TUBGCP5: variants seen among roughly 807,000 people sequenced by gnomAD.
The protein encoded by TUBGCP5 is tubulin gamma complex component 5.
In TUBGCP5, 98 loss-of-function variants were observed where a neutral mutation model predicts 134.7. That is an observed-to-expected ratio of 0.73 (90% CI 0.62 to 0.86). The LOEUF is 0.86. Among genes scored for constraint, TUBGCP5 ranks in the 40% least tolerant of loss-of-function variants. TUBGCP5 has a pLI of 0.00. For missense variants in TUBGCP5, 1,150 were observed against 1,244.8 expected (o/e 0.92, Z 1.15); for synonymous variants, 456 against 431.4 (o/e 1.06, Z -0.71).
chr15:22,987,204 C>T (rs1312931899), intron 23 of TUBGCP5, among the ~76,000 whole-genome samples: 1 of 151,878 alleles, frequency 6.6e-6, no homozygotes, highest in African/African-American at 2.4e-5. Flanking sequence ...CGTGGTGGAA[C>T]ATGCCTGCAA....
chr15:23,016,986 A>ATATATATG (rs373904143), intron 13 of TUBGCP5, among the ~76,000 whole-genome samples: 37 of 138,336 alleles, frequency 2.7e-4, no homozygotes, highest in African/African-American at 7.3e-4. Flanking sequence ...ATATATATAT[A>ATATATATG]TGTATATATC....
At chr15:23,032,439 GTAAA>G (rs572933288) in intron 4 of TUBGCP5, among the ~76,000 whole-genome samples, 130 of 152,234 alleles carry the variant, frequency 8.5e-4, no homozygotes, top group African/African-American at 2.7e-3. Flanking sequence ...TAAATGCTAT[GTAAA>G]TAGTTTTTTA....
chr15:22,988,744 A>AT (rs1167825486), intron 23 of TUBGCP5, among the ~76,000 whole-genome samples: 1 of 150,870 alleles, frequency 6.6e-6, no homozygotes, highest in Non-Finnish European at 1.5e-5. Context: ...TCAAAAAAAA[A>AT]AAAAATCTGT....
chr15:22,991,839 G>C (rs779641515), intron 23 of TUBGCP5, among the ~76,000 whole-genome samples: 95 of 152,194 alleles, frequency 6.2e-4, no homozygotes, highest in Admixed American at 1.5e-3. Context: ...TCTTTCTGTG[G>C]AAGACTTCAT....
chr15:23,000,272 A>T (rs2140395558), intron 22 of TUBGCP5: 1 of 1,251,714 alleles, frequency 8.0e-7, no homozygotes, highest in Admixed American at 3.8e-5. Context: ...AGTTACAAAA[A>T]CTACACGATA....
intron 21 of TUBGCP5, 89 bp downstream of exon 21, chr15:23,002,976 G>C: frequency 7.5e-7 from 1 of 1,326,148 alleles, no homozygotes; most frequent in Non-Finnish European, 1.1e-6. Context: ...TCAGCCTCCT[G>C]AATGGCTGGG....
intron 23 of TUBGCP5, among the ~76,000 whole-genome samples, chr15:22,984,075 G>A (rs75561630): frequency 0.028 from 4,246 of 151,862 alleles, 232 homozygotes; most frequent in African/African-American, 0.097. Flanking sequence ...AGCTGACATC[G>A]TGCCACTGCA....
At chr15:23,018,849 C>T (rs1429844101) in intron 12 of TUBGCP5, among the ~76,000 whole-genome samples, 1 of 152,096 alleles carries the variant, frequency 6.6e-6, no homozygotes, top group Non-Finnish European at 1.5e-5. Flanking sequence ...GAGGCATACT[C>T]TGTAATATTT....
At chr15:22,983,843 C>T (rs1408863686) in intron 23 of TUBGCP5, among the ~76,000 whole-genome samples, 1 of 152,078 alleles carries the variant, frequency 6.6e-6, no homozygotes, top group Non-Finnish European at 1.5e-5. Flanking sequence ...AACCATTAGG[C>T]CAGGTGCGGT....
Position 23,039,507 on chromosome 15 carries a change from C to T in TUBGCP5, c.37G>A (p.Ala13Thr), listed in dbSNP as rs755093930. The T allele has an allele frequency of 2.0e-6, 3 of 1,506,178 alleles. No homozygotes were observed. Among genetic ancestry groups the T allele is most frequent in the Non-Finnish European group, 2.7e-6 (3 of 1,119,782 alleles). 93.3% of individuals were successfully genotyped at this position (1,506,178 alleles called of 1,614,324 possible). Residue 13 changes from alanine (A) to threonine (T), a missense_variant, in exon 1 of 23, where the codon GCG becomes ACG. Physicochemically the swap from Ala to Thr is moderately conservative, Grantham distance 58. Transcript: ENST00000615383. The stretch of plus-strand genomic sequence containing the variant: ...TCCCGCACGTCGCGCTCCTGCTGCG[C>T]GTCCAACCGACTCCACGGTGGCCCG... ...RHGPPWSRLD[A>T]QQERDVRELV...
chr15:23,024,762 T>C lies in TUBGCP5; in HGVS notation c.896A>G (p.Asn299Ser), dbSNP rs765751651. 6.3e-7 allele frequency: 1 copy of C among 1,580,562 alleles called. No individual in the cohort carries two copies. The highest frequency in any genetic ancestry group is 1.1e-5 in the South Asian group (1 of 87,818). ...LIDGKVTVRN[N>S]IIVTHLTHSC... is the part of the protein sequence containing the mutation. ...ATGTGTTAAATGAGTTACTATAATA[T>C]TGTTTCTCACAGTTACCTTCCCATC... is the stretch of plus-strand genomic sequence containing the variant. Residue 299 changes from asparagine (N) to serine (S), a missense_variant, in exon 9 of 23, where the codon AAT becomes AGT. By Grantham distance (46) the Asn-to-Ser change is conservative (BLOSUM62 1). Around this residue, in one of 2 missense-constraint regions of TUBGCP5, gnomAD observed 453 missense variants for 394.7 expected, o/e 1.15. Transcript: ENST00000615383.
intron 23 of TUBGCP5, among the ~76,000 whole-genome samples, chr15:22,993,746 T>C (rs2063942719): frequency 6.6e-6 from 1 of 151,646 alleles, no homozygotes; most frequent in Non-Finnish European, 1.5e-5. Context: ...GGTTTCACCA[T>C]GTTGGCCAGG....
At chr15:23,002,061 T>C (rs1287043890) in intron 21 of TUBGCP5, among the ~76,000 whole-genome samples, 1 of 113,768 alleles carries the variant, frequency 8.8e-6, no homozygotes, top group Non-Finnish European at 1.8e-5. Context: ...CACATTTATT[T>C]GTAAAAAAAA....
In TUBGCP5 at chr15:23,013,693, G is replaced by C. The variant is rs184321118; in HGVS notation, c.1757-2362C>G. Among the ~76,000 whole-genome samples, 2 of 152,146 alleles carry C rather than the reference G, an allele frequency of 1.3e-5. No individual in the cohort carries two copies. The highest frequency in any genetic ancestry group is 2.9e-5 in the Non-Finnish European group (2 of 68,034). Reference sequence around the variant, plus strand: ...TACAGGAGGATTCCACAGTTCCCACGAGCTCTGAGCCCAGTTTGGAGAGCT... The same window carrying C: ...TACAGGAGGATTCCACAGTTCCCACCAGCTCTGAGCCCAGTTTGGAGAGCT... On this transcript the variant is annotated intron_variant, in intron 13 of 22. Transcript: ENST00000615383. The surrounding 1 kb of genome is among the most constrained non-coding windows in gnomAD (Gnocchi z 4.5).
intron 21 of TUBGCP5, among the ~76,000 whole-genome samples, chr15:23,001,934 C>T (rs2064410591): frequency 6.6e-6 from 1 of 152,172 alleles, no homozygotes. Context: ...GCAAATTTCA[C>T]ATTGCTTCTA....
At chr15:23,027,773 C>A (rs972418853) in intron 6 of TUBGCP5, among the ~76,000 whole-genome samples, 2 of 151,166 alleles carry the variant, frequency 1.3e-5, no homozygotes, top group Non-Finnish European at 3.0e-5. Flanking sequence ...TAAAATAAAA[C>A]CACACATATA....
chr15:23,010,148 T>C lies in TUBGCP5; in HGVS notation c.1956-15A>G. On this transcript the variant is annotated splice_polypyrimidine_tract_variant and intron_variant, in intron 14 of 22. Coordinates refer to ENST00000615383, the MANE Select transcript of TUBGCP5 (RefSeq NM_052903.6). ...CCAAATACATCCTTCAAGATAAAAA[T>C]GTGAGTCTTCTTTTTATGAGCTGCT... is the stretch of plus-strand genomic sequence containing the variant. 1 of 1,604,718 alleles carries C rather than the reference T, an allele frequency of 6.2e-7. No homozygotes were observed. Among genetic ancestry groups the C allele is most frequent in the Non-Finnish European group, 8.5e-7 (1 of 1,173,586 alleles).
chr15:23,010,181 G>A, intron 14 of TUBGCP5, 48 bp from the exon 15 acceptor site: 1 of 1,562,074 alleles, frequency 6.4e-7, no homozygotes, highest in Non-Finnish European at 8.7e-7. Flanking sequence ...GCTGTCAACA[G>A]AACTCTCTTA....
chr15:23,009,281 T>G (rs2064898964), intron 15 of TUBGCP5, among the ~76,000 whole-genome samples: 1 of 151,942 alleles, frequency 6.6e-6, no homozygotes. Flanking sequence ...TAATTTTTTT[T>G]TTTTTGAGAT....
Sources: gnomAD v4.1 joint callset for allele counts (sites outside exome capture counted in the v4.1 genomes callset) on GRCh38, gnomAD v4.1.1 for gene constraint, gnomAD v4.1.1 regional missense constraint, Gnocchi (gnomAD v3.1) non-coding constraint, MANE v1.5 for transcripts, NCBI Gene and HGNC (gene_info 2026-07-23, HGNC 2026-07-21) for gene names.